Variants in DEPDC5 observed in about 807,000 individuals in gnomAD.
DEPDC5 encodes the protein GATOR1 complex protein DEPDC5.
In DEPDC5, 73 loss-of-function variants were observed where a neutral mutation model predicts 217.3. The ratio of observed to expected loss-of-function variants is 0.34; its 90% CI spans 0.28 to 0.41. The LOEUF is 0.41. DEPDC5 is among the 10% of genes least tolerant of loss of function. DEPDC5 has a pLI of 1.00. For synonymous variants in DEPDC5, 733 were observed against 756.7 expected (o/e 0.97, Z 0.51); for missense variants, 1,675 against 2,070.1 (o/e 0.81, Z 3.70).
At position 31,758,581 on chromosome 22, in the gene DEPDC5, C is replaced by G. The variant is rs1305007186; in HGVS notation, c.94C>G (p.His32Asp). ...AGTTGTGAACCCCAAAGTGTTCCCT[C>G]ACATCAAGCTTGGAGACATTGTAGA... The part of the protein sequence containing the change: ...ELVVNPKVFP[H>D]IKLGDIVEIA... Residue 32 changes from histidine (H) to aspartate (D), a missense_variant, in exon 3 of 43, where the codon CAC (histidine) becomes GAC (aspartate). By Grantham distance (81) the His-to-Asp change is moderately conservative. Around this residue, in one of 11 missense-constraint regions of DEPDC5, gnomAD observed 628 missense variants for 762.1 expected, o/e 0.82. Transcript: ENST00000651528. The G allele has an allele frequency of 1.9e-6, 3 of 1,614,150 alleles. No individual in the cohort carries two copies. Among genetic ancestry groups the G allele is most frequent in the Non-Finnish European group, 8.5e-7 (1 of 1,180,032 alleles).
intron 9 of DEPDC5, 177 bp from the exon 10 acceptor site, chr22:31,784,637 G>T (rs2084797559): frequency 4.9e-5 from 20 of 411,958 alleles, no homozygotes; most frequent in East Asian, 9.0e-5. Context: ...AAAAAAAAAA[G>T]ATGTACAAAA....
intron 18 of DEPDC5, among the ~76,000 whole-genome samples, chr22:31,808,617 G>A (rs1425616259): frequency 6.6e-6 from 1 of 151,888 alleles, no homozygotes; most frequent in South Asian, 2.1e-4. Context: ...TGTGTTTTTA[G>A]TAGAGACGAG....
chr22:31,767,778 G>T (rs535256541), intron 6 of DEPDC5, among the ~76,000 whole-genome samples: 1 of 149,644 alleles, frequency 6.7e-6, no homozygotes, highest in African/African-American at 2.5e-5. Flanking sequence ...ACAGAGTCTC[G>T]CTCTGTCACC....
chr22:31,898,042 A>G (rs1012777382), intron 40 of DEPDC5, among the ~76,000 whole-genome samples: 3 of 152,140 alleles, frequency 2.0e-5, no homozygotes, highest in Non-Finnish European at 4.4e-5. Flanking sequence ...AGACTTGCAT[A>G]TGCTATTTCG....
At chr22:31,892,295 C>T (rs1394061544) in intron 38 of DEPDC5, among the ~76,000 whole-genome samples, 1 of 152,180 alleles carries the variant, frequency 6.6e-6, no homozygotes, top group Admixed American at 6.5e-5. Flanking sequence ...TAAACTATGG[C>T]TTAAGCAGCC....
intron 8 of DEPDC5, among the ~76,000 whole-genome samples, chr22:31,778,761 T>C (rs996173108): frequency 6.6e-6 from 1 of 152,200 alleles, no homozygotes; most frequent in Admixed American, 6.6e-5. Context: ...CCTTTGCCAA[T>C]GAACGTTACC....
rs12171047 is a variant in DEPDC5 at position 31,875,966 on chromosome 22, A to G, written c.3697-191A>G. ...TTCTTCATGCCCTTCTGCATGTTTG[A>G]AATATTTGATGATGATACGAGTTTA... On this transcript the variant is annotated intron_variant, in intron 36 of 42. Coordinates refer to ENST00000651528, the MANE Select transcript of DEPDC5 (RefSeq NM_001242896.3). 1,842 of 530,370 alleles carry G rather than the reference A, an allele frequency of 3.5e-3. 33 individuals are homozygous for G. Among genetic ancestry groups the G allele is most frequent in the African/African-American group, 0.03 (1,581 of 52,874 alleles). The allele number at this position is 530,370 out of a possible 1,614,324, so 32.9% of individuals were successfully genotyped here.
intron 3 of DEPDC5, among the ~76,000 whole-genome samples, chr22:31,759,487 C>T (rs1295578825): frequency 1.3e-5 from 2 of 151,306 alleles, no homozygotes; most frequent in Non-Finnish European, 2.9e-5. Context: ...CATTCTCCTG[C>T]CTCAGCCTCC....
chr22:31,862,920 T>C (rs917598000), intron 33 of DEPDC5, among the ~76,000 whole-genome samples: 7 of 152,242 alleles, frequency 4.6e-5, no homozygotes, highest in Non-Finnish European at 8.8e-5. Flanking sequence ...TACTTTCTTT[T>C]TTTTAGAGGT....
intron 15 of DEPDC5, among the ~76,000 whole-genome samples, chr22:31,803,850 C>G (rs1427981622): frequency 6.6e-6 from 1 of 151,994 alleles, no homozygotes; most frequent in Non-Finnish European, 1.5e-5. Flanking sequence ...AGTTACTGTT[C>G]CTTTCTGGCC....
At position 31,837,376 on chromosome 22, in the gene DEPDC5, G is replaced by A. The variant is rs188059321; in HGVS notation, c.2354+221G>A. The A allele has an allele frequency of 1.4e-3, 778 of 575,642 alleles. 5 individuals carry two copies. Among genetic ancestry groups the A allele is most frequent in the African/African-American group, 9.0e-3 (470 of 52,036 alleles). The allele number at this position is 575,642 out of a possible 1,614,324, so 35.7% of individuals were successfully genotyped here. A position where few individuals can be genotyped will look rare whatever the true frequency, so the allele number is the denominator to read the frequency against. Reference sequence around the variant, plus strand: ...CCTTTTTTTTTTTTAACTGAGAGAGGGTCTCACTCTGTCGCTCGGGTTGGA... The same window carrying A: ...CCTTTTTTTTTTTTAACTGAGAGAGAGTCTCACTCTGTCGCTCGGGTTGGA... On this transcript the variant is annotated intron_variant, in intron 26 of 42. Coordinates refer to ENST00000651528, the MANE Select transcript of DEPDC5 (RefSeq NM_001242896.3).
intron 10 of DEPDC5, among the ~76,000 whole-genome samples, chr22:31,788,485 C>G (rs1601842765): frequency 6.7e-6 from 1 of 150,012 alleles, no homozygotes; most frequent in Non-Finnish European, 1.5e-5. Flanking sequence ...ACTATGTTAT[C>G]CAGGCTGATC....
chr22:31,797,849 C>A, intron 13 of DEPDC5, 146 bp downstream of exon 13: 1 of 663,404 alleles, frequency 1.5e-6, no homozygotes, highest in Non-Finnish European at 2.7e-6. Flanking sequence ...CAGTTGGATC[C>A]AATTGTACAT....
At chr22:31,863,231 A>G (rs1048514579) in intron 33 of DEPDC5, among the ~76,000 whole-genome samples, 3 of 152,156 alleles carry the variant, frequency 2.0e-5, no homozygotes, top group Non-Finnish European at 2.9e-5. Context: ...CAGTGGTTCA[A>G]TGTCAGCTCA....
At chr22:31,762,987 A>G (rs1199148630) in intron 4 of DEPDC5, among the ~76,000 whole-genome samples, 1 of 147,074 alleles carries the variant, frequency 6.8e-6, no homozygotes, top group Non-Finnish European at 1.5e-5. Context: ...GCTAATTTTT[A>G]TATTTATATT....
rs550674844 is a variant in DEPDC5, at chr22:31,841,905, C to A, written c.2516-1190C>A. On this transcript the variant is annotated intron_variant, in intron 27 of 42. Transcript: ENST00000651528. ...TGTTCTCCTGCCTCAAGAGGACTGC[C>A]TTTCATTTCTAGATCAAAGGAATCT... is the stretch of plus-strand genomic sequence containing the variant. Among the ~76,000 whole-genome samples, 10 of 152,296 alleles carry A rather than the reference C, an allele frequency of 6.6e-5. No individual in the cohort carries two copies. In the East Asian group the frequency reaches 1.9e-3, roughly 29 times the overall value.
rs919741585 is a variant in DEPDC5 at position 31,858,630 on chromosome 22, A to G, written c.3264+1077A>G. ...AAGCATGATTTTTAAAAATAATTATATACTTTTTTCTTTCGTTTTTTTTCC... is the reference window on the plus strand; with the variant it reads ...AAGCATGATTTTTAAAAATAATTATGTACTTTTTTCTTTCGTTTTTTTTCC... On this transcript the variant is annotated intron_variant, in intron 32 of 42. Transcript: ENST00000651528. The G allele has an allele frequency of 2.6e-5, 4 of 152,238 alleles. No homozygotes were observed. The East Asian group carries it at 7.7e-4, about 29-fold the overall frequency. 9.4% of individuals were successfully genotyped at this position (152,238 alleles called of 1,614,324 possible).
chr22:31,851,066 CAA>C (rs136861), intron 31 of DEPDC5, among the ~76,000 whole-genome samples: 248 of 115,240 alleles, frequency 2.2e-3, no homozygotes, highest in Non-Finnish European at 2.0e-3. Flanking sequence ...GACTCCGTCT[CAA>C]AAAAAAAAAA....
rs1556526609 is a variant in DEPDC5 at position 31,766,584 on chromosome 22, G to A, written c.280-1G>A. 1.2e-6 allele frequency: 2 copies of A among 1,613,432 alleles called. No homozygotes were observed. The highest frequency in any genetic ancestry group is 1.7e-6 in the Non-Finnish European group (2 of 1,179,672). ...AGATATCATTTGATTATTCCTTTTA[G>A]GATGTGACCCTTGACCTAGTGGAAT... is the stretch of plus-strand genomic sequence containing the variant. On this transcript the variant is annotated splice_acceptor_variant, in intron 5 of 42. Transcript: ENST00000651528. LOFTEE classifies it high-confidence loss of function.
Sources: allele counts gnomAD v4.1 joint callset (sites outside exome capture counted in the v4.1 genomes callset), GRCh38; gene constraint gnomAD v4.1.1; regional missense constraint gnomAD v4.1.1; transcripts MANE v1.5; gene names NCBI Gene and HGNC (gene_info 2026-07-23, HGNC 2026-07-21).